The following NKAIN2 variants were observed in gnomAD, a reference collection of about 807,000 sequenced individuals.
The protein encoded by NKAIN2 is sodium/potassium transporting ATPase interacting 2, also known as sodium/potassium-transporting ATPase subunit beta-1-interacting protein 2.
NKAIN2 carries 14 observed loss-of-function variants against 32.6 expected under a neutral mutation model. The ratio of observed to expected loss-of-function variants is 0.43; its 90% CI spans 0.28 to 0.67. The LOEUF (loss-of-function observed/expected upper bound fraction) is 0.67, where lower values mean the gene tolerates loss of function less well. Among genes scored for constraint, NKAIN2 ranks in the 30% least tolerant of loss-of-function variants. The pLI is 0.17. For synonymous variants in NKAIN2, 80 were observed against 87.2 expected (o/e 0.92, Z 0.46); for missense variants, 198 against 258.3 (o/e 0.77, Z 1.60).
intron 1 of NKAIN2, among the ~76,000 whole-genome samples, chr6:123,989,259 CTACTT>C (rs763596830): frequency 2.6e-5 from 4 of 152,118 alleles, no homozygotes; most frequent in African/African-American, 7.2e-5. Context: ...TTACAATTCT[CTACTT>C]TAAGCAAAAT....
chr6:124,766,889 CTTGTTTT>C lies in NKAIN2; in HGVS notation c.475-24433_475-24427del, dbSNP rs536396554. Among the ~76,000 whole-genome samples the C allele has an allele frequency of 1.6e-3, 247 of 151,914 alleles. 2 individuals are homozygous for C. The highest frequency in any genetic ancestry group is 9.2e-3 in the South Asian group (44 of 4,786). On this transcript the variant is annotated intron_variant, in intron 4 of 6. Coordinates refer to ENST00000368417, the MANE Select transcript of NKAIN2 (RefSeq NM_001040214.3). ...TGAGTATTTTCCTCCTTTGAGCTGT[CTTGTTTT>C]TTGTTTTTTGTTTTTTTGACGGAGT...
intron 1 of NKAIN2, among the ~76,000 whole-genome samples, chr6:124,169,684 G>C (rs376648558): frequency 9.2e-5 from 14 of 152,164 alleles, no homozygotes; most frequent in African/African-American, 3.4e-4. Flanking sequence ...TTCTTAGTGC[G>C]TATGTTTTTT....
chr6:124,155,299 A>G (rs1045488504), intron 1 of NKAIN2, among the ~76,000 whole-genome samples: 2 of 152,084 alleles, frequency 1.3e-5, no homozygotes, highest in African/African-American at 4.8e-5. Flanking sequence ...TCAAACAGCT[A>G]GAAGGAGGAT....
Position 124,715,669 on chromosome 6 carries a change from A to G in NKAIN2, c.474+57283A>G, listed in dbSNP as rs188484971. 2.0e-5 allele frequency among the ~76,000 whole-genome samples: 3 copies of G among 152,324 alleles called. No homozygotes were observed. In the East Asian group the frequency reaches 5.8e-4, roughly 29 times the overall value. On this transcript the variant is annotated intron_variant, in intron 4 of 6. Transcript: ENST00000368417. ...TGTACATTGCTAGCAGCTGCAGAAGACCATGGACCATCCCATAAATTCCTG... is the reference window on the plus strand; with the variant it reads ...TGTACATTGCTAGCAGCTGCAGAAGGCCATGGACCATCCCATAAATTCCTG...
At chr6:124,664,135 C>A (rs969139116) in intron 4 of NKAIN2, among the ~76,000 whole-genome samples, 1 of 151,730 alleles carries the variant, frequency 6.6e-6, no homozygotes, top group Non-Finnish European at 1.5e-5. Flanking sequence ...ATTTGCTGGA[C>A]ATGGTGGCGG....
chr6:124,360,284 C>T (rs1451334821), intron 3 of NKAIN2, among the ~76,000 whole-genome samples: 1 of 152,146 alleles, frequency 6.6e-6, no homozygotes. Context: ...ATGCTGGCCT[C>T]ATAAAATGAG....
intron 1 of NKAIN2, among the ~76,000 whole-genome samples, chr6:124,206,176 A>G (rs991232340): frequency 6.6e-6 from 1 of 151,818 alleles, no homozygotes; most frequent in Non-Finnish European, 1.5e-5. Context: ...GTAATTTTCT[A>G]TTACTTTTTC....
intron 1 of NKAIN2, among the ~76,000 whole-genome samples, chr6:124,051,148 A>G (rs1782380237): frequency 6.6e-6 from 1 of 152,084 alleles, no homozygotes. Context: ...TTGAACAGAC[A>G]ATATTTTAAT....
At chr6:124,447,235 A>G (rs1338221691) in intron 3 of NKAIN2, among the ~76,000 whole-genome samples, 5 of 152,048 alleles carry the variant, frequency 3.3e-5, no homozygotes, top group African/African-American at 1.2e-4. Context: ...TAATATTATG[A>G]TGTTTACTAG....
At chr6:124,278,665 AT>A (rs1795153235) in intron 1 of NKAIN2, among the ~76,000 whole-genome samples, 1 of 117,832 alleles carries the variant, frequency 8.5e-6, no homozygotes, top group Non-Finnish European at 1.8e-5. Flanking sequence ...ATATATATAT[AT>A]ATATATATAT....
chr6:123,917,171 A>C (rs1249855024), intron 1 of NKAIN2, among the ~76,000 whole-genome samples: 1 of 152,086 alleles, frequency 6.6e-6, no homozygotes, highest in Non-Finnish European at 1.5e-5. Flanking sequence ...ACTTTCTCTA[A>C]AGTTTTTAAA....
intron 2 of NKAIN2, among the ~76,000 whole-genome samples, chr6:124,305,029 G>A (rs1451092453): frequency 6.6e-6 from 1 of 152,152 alleles, no homozygotes; most frequent in Admixed American, 6.5e-5. Flanking sequence ...TGGAATCCGA[G>A]ATGATGAAGG....
At chr6:124,287,345 AC>A (rs1795600307) in intron 2 of NKAIN2, among the ~76,000 whole-genome samples, 1 of 152,194 alleles carries the variant, frequency 6.6e-6, no homozygotes, top group Admixed American at 6.5e-5. Context: ...TGCCTCCCAC[AC>A]AAAAAAGTAT....
At chr6:124,803,603 G>A (rs887297025) in intron 5 of NKAIN2, among the ~76,000 whole-genome samples, 1 of 152,194 alleles carries the variant, frequency 6.6e-6, no homozygotes, top group African/African-American at 2.4e-5. Flanking sequence ...CACACAGGCT[G>A]TTCCTGTTGC....
At chr6:124,080,107 C>T (rs557518950) in intron 1 of NKAIN2, among the ~76,000 whole-genome samples, 1 of 152,240 alleles carries the variant, frequency 6.6e-6, no homozygotes, top group South Asian at 2.1e-4. Flanking sequence ...GCTGGGACAA[C>T]AGGTCTCGCT....
chr6:124,720,578 G>A (rs989456094), intron 4 of NKAIN2, among the ~76,000 whole-genome samples: 1 of 152,158 alleles, frequency 6.6e-6, no homozygotes, highest in Non-Finnish European at 1.5e-5. Context: ...GGAAATCTGT[G>A]TCATACTTAA....
intron 1 of NKAIN2, among the ~76,000 whole-genome samples, chr6:124,073,915 T>C (rs1331588293): frequency 6.6e-6 from 1 of 152,268 alleles, no homozygotes; most frequent in East Asian, 1.9e-4. Context: ...CTTTTGAATA[T>C]TTTATGAAAC....
chr6:123,875,040 G>A (rs1253374097), intron 1 of NKAIN2, among the ~76,000 whole-genome samples: 1 of 151,838 alleles, frequency 6.6e-6, no homozygotes, highest in East Asian at 1.9e-4. Flanking sequence ...TATTATTATA[G>A]GTGCATTGGA....
chr6:124,424,277 A>C (rs919568047), intron 3 of NKAIN2, among the ~76,000 whole-genome samples: 1 of 152,234 alleles, frequency 6.6e-6, no homozygotes, highest in East Asian at 1.9e-4. Flanking sequence ...ACTTTGAATA[A>C]AAATTGTCTA....
Sources: allele counts gnomAD v4.1 joint callset (sites outside exome capture counted in the v4.1 genomes callset), GRCh38; gene constraint gnomAD v4.1.1; transcripts MANE v1.5; gene names NCBI Gene and HGNC (gene_info 2026-07-23, HGNC 2026-07-21).